Variants in NPAS3 observed in about 807,000 individuals in gnomAD.
The protein encoded by NPAS3 is neuronal PAS domain protein 3.
In NPAS3, 14 loss-of-function variants were observed where a neutral mutation model predicts 73.1. The observed-to-expected ratio is 0.19, with a 90% CI of 0.13 to 0.30. The LOEUF (loss-of-function observed/expected upper bound fraction) is 0.30. Ranked by LOEUF, NPAS3 falls within the 10% of genes least tolerant of loss-of-function variation. The pLI is 1.00. For missense variants in NPAS3, 1,096 were observed against 1,250.0 expected (o/e 0.88, Z 1.86); for synonymous variants, 620 against 541.5 (o/e 1.14, Z -2.01).
At chr14:33,784,745 A>ATTTATTTAT (rs1471526546) in intron 9 of NPAS3, among the ~76,000 whole-genome samples, 7 of 73,838 alleles carry the variant, frequency 9.5e-5, no homozygotes, top group African/African-American at 4.4e-4. Flanking sequence ...TTATTTATTT[A>ATTTATTTAT]TTTTTTTTTT....
At chr14:33,769,920 T>A (rs1378927777) in intron 7 of NPAS3, among the ~76,000 whole-genome samples, 1 of 151,896 alleles carries the variant, frequency 6.6e-6, no homozygotes, top group Non-Finnish European at 1.5e-5. Flanking sequence ...TGAACCAATA[T>A]GCCCAGCTAA....
chr14:33,540,412 C>A (rs1055048935), intron 4 of NPAS3, among the ~76,000 whole-genome samples: 1 of 152,204 alleles, frequency 6.6e-6, no homozygotes, highest in African/African-American at 2.4e-5. Context: ...CTTGTGCAGC[C>A]ACCCCAAGGT....
At chr14:33,555,447 G>GA (rs1170438085) in intron 4 of NPAS3, among the ~76,000 whole-genome samples, 1 of 151,680 alleles carries the variant, frequency 6.6e-6, no homozygotes, top group Non-Finnish European at 1.5e-5. Context: ...GTGGGCAGTT[G>GA]AAAAAAAATT....
At chr14:33,568,695 A>G (rs1335205410) in intron 5 of NPAS3, among the ~76,000 whole-genome samples, 1 of 152,226 alleles carries the variant, frequency 6.6e-6, no homozygotes, top group Non-Finnish European at 1.5e-5. Context: ...TAGCTCTTAC[A>G]TAAGAAGATA....
intron 5 of NPAS3, among the ~76,000 whole-genome samples, chr14:33,599,896 T>TAAAAATCTAATTCAGGAGTCCATGAGA (rs2057350509): frequency 6.6e-6 from 1 of 152,182 alleles, no homozygotes; most frequent in Non-Finnish European, 1.5e-5. Context: ...TGATGGTTAT[T>TAAAAATCTAATTCAGGAGTCCATGAGA]AAAAATCTAA....
intron 4 of NPAS3, among the ~76,000 whole-genome samples, chr14:33,401,039 A>G (rs543851259): frequency 6.6e-6 from 1 of 152,284 alleles, no homozygotes; most frequent in East Asian, 1.9e-4. Flanking sequence ...ATGCAAAGTT[A>G]TAACAGTTCT....
chr14:33,018,621 T>C (rs530832304), intron 1 of NPAS3, among the ~76,000 whole-genome samples: 6 of 148,748 alleles, frequency 4.0e-5, no homozygotes, highest in Non-Finnish European at 8.9e-5. Context: ...TGAATTTACT[T>C]GAATTTTTTA....
chr14:33,432,665 A>G (rs2048831390), intron 4 of NPAS3, among the ~76,000 whole-genome samples: 2 of 152,182 alleles, frequency 1.3e-5, no homozygotes, highest in East Asian at 1.9e-4. Flanking sequence ...TTTATAGGCT[A>G]TAGTTAATAT....
chr14:33,128,865 T>C (rs894067250), intron 2 of NPAS3, among the ~76,000 whole-genome samples: 3 of 152,158 alleles, frequency 2.0e-5, no homozygotes, highest in African/African-American at 7.2e-5. Context: ...TTAGACAAAG[T>C]ATCGTATCAG....
chr14:33,367,655 A>ATTT (rs367639255), intron 4 of NPAS3, among the ~76,000 whole-genome samples: 7 of 147,034 alleles, frequency 4.8e-5, no homozygotes, highest in African/African-American at 1.7e-4. Context: ...AAGTACTGTG[A>ATTT]TTTTTTTTTT....
chr14:33,376,674 T>A (rs1365793835), intron 4 of NPAS3, among the ~76,000 whole-genome samples: 7 of 152,164 alleles, frequency 4.6e-5, no homozygotes, highest in Non-Finnish European at 8.8e-5. Flanking sequence ...TATGACAGAT[T>A]CATTATGTGC....
intron 2 of NPAS3, among the ~76,000 whole-genome samples, chr14:33,130,669 T>C (rs1424398432): frequency 2.0e-5 from 3 of 152,176 alleles, no homozygotes; most frequent in African/African-American, 7.2e-5. Flanking sequence ...TATTTTCTTA[T>C]GCTTTTAGGA....
rs147345105 is a variant in NPAS3 at position 33,226,869 on chromosome 14, A to G, written c.385+11443A>G. ...TTGGGAAATAAGACTGTTGAATATCAGCACTGATGATAAAAACAGACTGTG... is the reference window on the plus strand; with the variant it reads ...TTGGGAAATAAGACTGTTGAATATCGGCACTGATGATAAAAACAGACTGTG... On this transcript the variant is annotated intron_variant, in intron 3 of 11. Coordinates refer to ENST00000356141, the Ensembl canonical transcript of NPAS3. 1.1e-3 allele frequency among the ~76,000 whole-genome samples: 167 copies of G among 152,338 alleles called. 3 individuals carry two copies. The highest frequency in any genetic ancestry group is 3.4e-3 in the Middle Eastern group (1 of 294).
Position 33,232,047 on chromosome 14 carries a change from T to G in NPAS3, c.385+16621T>G, listed in dbSNP as rs568376536. 3.9e-4 allele frequency among the ~76,000 whole-genome samples: 60 copies of G among 152,298 alleles called. No individual in the cohort carries two copies. The South Asian group carries it at 5.2e-3, about 13-fold the overall frequency. Reference sequence around the variant, plus strand: ...AATACCATGTAGTCTTATCAACCATTAGGTAATGATTACATTTCAGCACAT... The same window carrying G: ...AATACCATGTAGTCTTATCAACCATGAGGTAATGATTACATTTCAGCACAT... On this transcript the variant is annotated intron_variant, in intron 3 of 11. Coordinates refer to ENST00000356141, the Ensembl canonical transcript of NPAS3.
chr14:33,695,837 G>C (rs1356708745), intron 6 of NPAS3, among the ~76,000 whole-genome samples: 3 of 152,130 alleles, frequency 2.0e-5, no homozygotes, highest in Non-Finnish European at 4.4e-5. Flanking sequence ...TAAAACTTTA[G>C]CTGATCATTA....
At chr14:33,116,754 C>T (rs1218652588) in intron 2 of NPAS3, among the ~76,000 whole-genome samples, 1 of 139,990 alleles carries the variant, frequency 7.1e-6, no homozygotes, top group Admixed American at 7.0e-5. Context: ...TCACCTGGGT[C>T]ACCTGGAGAA....
chr14:33,509,763 A>G (rs1314989931), intron 4 of NPAS3, among the ~76,000 whole-genome samples: 1 of 152,050 alleles, frequency 6.6e-6, no homozygotes, highest in Non-Finnish European at 1.5e-5. Context: ...TAACCATGAA[A>G]TTAGGGCATG....
At chr14:33,067,209 C>T (rs2041311434) in intron 2 of NPAS3, among the ~76,000 whole-genome samples, 1 of 152,168 alleles carries the variant, frequency 6.6e-6, no homozygotes, top group Admixed American at 6.5e-5. Flanking sequence ...GAAAAACATC[C>T]ATCCTCTATT....
intron 3 of NPAS3, among the ~76,000 whole-genome samples, chr14:33,268,003 A>G (rs2040892578): frequency 6.6e-6 from 1 of 152,212 alleles, no homozygotes; most frequent in African/African-American, 2.4e-5. Context: ...GGATGACATA[A>G]AAATTAAAAA....
Sources: allele counts gnomAD v4.1 joint callset (sites outside exome capture counted in the v4.1 genomes callset), GRCh38; gene constraint gnomAD v4.1.1; transcripts MANE v1.5; gene names NCBI Gene and HGNC (gene_info 2026-07-23, HGNC 2026-07-21).